TOX: variants seen among roughly 807,000 people sequenced by gnomAD.
TOX encodes the protein thymocyte selection associated high mobility group box.
TOX carries 11 observed loss-of-function variants against 53.7 expected under a neutral mutation model. The ratio of observed to expected loss-of-function variants is 0.20; its 90% confidence interval spans 0.13 to 0.34. The LOEUF is 0.34. Ranked by LOEUF, TOX falls within the 10% of genes least tolerant of loss-of-function variation. The pLI, the probability that TOX is intolerant of heterozygous loss-of-function variation, is 1.00. For missense variants in TOX, 570 were observed against 664.6 expected (o/e 0.86, Z 1.56); for synonymous variants, 225 against 245.3 (o/e 0.92, Z 0.77).
chr8:58,989,239 C>T (rs1236402333), intron 1 of TOX, among the ~76,000 whole-genome samples: 1 of 151,924 alleles, frequency 6.6e-6, no homozygotes, highest in East Asian at 1.9e-4. Flanking sequence ...TCGCTTGAAC[C>T]TATGAGGTGG....
chr8:59,039,408 C>T (rs1276146799), intron 1 of TOX, among the ~76,000 whole-genome samples: 2 of 152,192 alleles, frequency 1.3e-5, no homozygotes, highest in African/African-American at 4.8e-5. Flanking sequence ...TTCTTTACCA[C>T]GGTTGCTTTG....
chr8:59,078,033 A>G (rs1804325158), intron 1 of TOX, among the ~76,000 whole-genome samples: 2 of 152,188 alleles, frequency 1.3e-5, no homozygotes, highest in Admixed American at 6.5e-5. Context: ...GAAATGGAGG[A>G]AAAATATTAT....
At chr8:58,841,716 G>T (rs1192333228) in intron 4 of TOX, among the ~76,000 whole-genome samples, 3 of 152,012 alleles carry the variant, frequency 2.0e-5, no homozygotes, top group African/African-American at 7.2e-5. Context: ...AGTTTATTGT[G>T]GTAATCATTT....
At position 58,958,910 on chromosome 8, in the gene TOX, A is replaced by G. The variant is rs1348992161; in HGVS notation, c.168+1033T>C. Among the ~76,000 whole-genome samples the G allele has an allele frequency of 3.3e-5, 5 of 152,336 alleles. No homozygotes were observed. In the South Asian group the frequency reaches 1.0e-3, roughly 32 times the overall value. ...TTTGGTCACAGAGTGCATCCTTAAC[A>G]TATACATTAGATTTAATTCACTGAC... On this transcript the variant is annotated intron_variant, in intron 2 of 8. Transcript: ENST00000361421.
intron 1 of TOX, among the ~76,000 whole-genome samples, chr8:58,968,029 A>G (rs1336700899): frequency 6.6e-6 from 1 of 152,214 alleles, no homozygotes; most frequent in Non-Finnish European, 1.5e-5. Context: ...AAACAAACTT[A>G]TGAAACAGTG....
At chr8:58,844,811 A>G (rs925371272) in intron 4 of TOX, among the ~76,000 whole-genome samples, 2 of 152,122 alleles carry the variant, frequency 1.3e-5, no homozygotes, top group Non-Finnish European at 2.9e-5. Context: ...CTAAATAAAT[A>G]TTATTTATAA....
intron 1 of TOX, among the ~76,000 whole-genome samples, chr8:59,059,769 T>C (rs1048075579): frequency 1.3e-5 from 2 of 152,206 alleles, no homozygotes; most frequent in Non-Finnish European, 2.9e-5. Context: ...AGAGCACATA[T>C]TTAGTGCTGC....
chr8:59,069,885 G>A (rs1445711132), intron 1 of TOX, among the ~76,000 whole-genome samples: 7 of 152,186 alleles, frequency 4.6e-5, no homozygotes, highest in Admixed American at 1.3e-4. Flanking sequence ...CTTTCAGAGC[G>A]AGAAGGGCCT....
chr8:59,045,800 A>T (rs1371871469), intron 1 of TOX, among the ~76,000 whole-genome samples: 1 of 152,222 alleles, frequency 6.6e-6, no homozygotes, highest in East Asian at 1.9e-4. Context: ...GCTGACTTTT[A>T]TAGGACTCAA....
chr8:59,031,788 G>A (rs1185671296), intron 1 of TOX, among the ~76,000 whole-genome samples: 1 of 152,188 alleles, frequency 6.6e-6, no homozygotes, highest in Non-Finnish European at 1.5e-5. Flanking sequence ...GTGGGAATAA[G>A]TTTGGCCTAT....
intron 1 of TOX, among the ~76,000 whole-genome samples, chr8:59,013,442 C>T (rs892521183): frequency 2.7e-5 from 4 of 148,160 alleles, no homozygotes; most frequent in Admixed American, 6.8e-5. Flanking sequence ...ACGAAGTCTG[C>T]CTCTGTTGCC....
intron 3 of TOX, among the ~76,000 whole-genome samples, chr8:58,935,070 A>G (rs1812320233): frequency 6.6e-6 from 1 of 152,230 alleles, no homozygotes; most frequent in Admixed American, 6.5e-5. Context: ...GGAAATGCTT[A>G]TAAATGGTGA....
chr8:58,973,778 C>T (rs1227635285), intron 1 of TOX, among the ~76,000 whole-genome samples: 1 of 151,958 alleles, frequency 6.6e-6, no homozygotes, highest in Admixed American at 6.6e-5. Flanking sequence ...CACAGTGCAA[C>T]CCACATTTTC....
rs114409976 is a variant in TOX at position 58,956,449 on chromosome 8, G to A, written c.168+3494C>T. 4.8e-3 allele frequency among the ~76,000 whole-genome samples: 725 copies of A among 152,282 alleles called. 3 individuals are homozygous for A. Among genetic ancestry groups the A allele is most frequent in the African/African-American group, 0.017 (700 of 41,558 alleles). On this transcript the variant is annotated intron_variant, in intron 2 of 8. Coordinates refer to ENST00000361421, the MANE Select transcript of TOX (RefSeq NM_014729.3). Reference sequence around the variant, plus strand: ...AGATACATTTTATTGTATAGATTTAGGGTGTACAACATGTTATGATATACA... The same window carrying A: ...AGATACATTTTATTGTATAGATTTAAGGTGTACAACATGTTATGATATACA...
At chr8:59,023,965 A>G (rs935429981) in intron 1 of TOX, among the ~76,000 whole-genome samples, 8 of 152,212 alleles carry the variant, frequency 5.3e-5, no homozygotes, top group African/African-American at 1.9e-4. Context: ...GGAAGAAAAG[A>G]GTTTATAGTT....
intron 1 of TOX, among the ~76,000 whole-genome samples, chr8:59,031,524 A>G (rs1814355855): frequency 6.6e-6 from 1 of 152,242 alleles, no homozygotes; most frequent in Admixed American, 6.5e-5. Context: ...CCTGCTCTCA[A>G]GGAGCTTAAA....
chr8:58,819,988 T>C (rs1221273608), intron 6 of TOX, among the ~76,000 whole-genome samples: 1 of 152,188 alleles, frequency 6.6e-6, no homozygotes, highest in East Asian at 1.9e-4. Flanking sequence ...ACTTATACCC[T>C]GAAGCATGAG....
intron 3 of TOX, among the ~76,000 whole-genome samples, chr8:58,931,766 A>G (rs1235081641): frequency 6.6e-6 from 1 of 152,190 alleles, no homozygotes; most frequent in Non-Finnish European, 1.5e-5. Flanking sequence ...CATATTATAT[A>G]ACTGATGTTA....
intron 1 of TOX, among the ~76,000 whole-genome samples, chr8:59,054,701 C>T (rs1803857368): frequency 6.6e-6 from 1 of 151,576 alleles, no homozygotes; most frequent in Non-Finnish European, 1.5e-5. Flanking sequence ...ATACATTCCT[C>T]TAAATGTATA....
Sources: gnomAD v4.1 joint callset for allele counts (sites outside exome capture counted in the v4.1 genomes callset) on GRCh38, gnomAD v4.1.1 for gene constraint, MANE v1.5 for transcripts, NCBI Gene and HGNC (gene_info 2026-07-23, HGNC 2026-07-21) for gene names.